Variants in POLR1H observed in about 807,000 individuals in gnomAD.
POLR1H encodes the protein RNA polymerase I subunit H, also known as DNA-directed RNA polymerase I subunit RPA12.
POLR1H carries 5 observed loss-of-function variants against 15.8 expected under a neutral mutation model. The ratio of observed to expected loss-of-function variants is 0.32; its 90% confidence interval spans 0.17 to 0.67. The LOEUF is 0.67. Ranked by LOEUF, POLR1H falls within the 30% of genes least tolerant of loss-of-function variation. POLR1H has a pLI of 0.74. For synonymous variants in POLR1H, 43 were observed against 58.3 expected, an observed-to-expected ratio of 0.74 and a Z score of 1.20; for missense variants, 100 against 163.4, an observed-to-expected ratio of 0.61 and a Z score of 2.11.
upstream of POLR1H, chr6:30,061,251 C>T (rs893092142): frequency 2.6e-6 from 1 of 386,242 alleles, no homozygotes; most frequent in Non-Finnish European, 4.6e-6. The surrounding 1 kb of genome is among the most constrained non-coding windows in gnomAD (Gnocchi z 5.0). Flanking sequence ...ATCTCGCTGC[C>T]CCGCCGCGGG....
chr6:30,061,820 T>C lies in POLR1H; in HGVS notation c.146-97T>C. On this transcript the variant is annotated intron_variant, in intron 1 of 3. Transcript: ENST00000332435. This position sits in a 1 kb window ranked among gnomAD's most constrained non-coding sequence, Gnocchi z 5.0. Reference sequence around the variant, plus strand: ...GCGATGAAAACTGAGGGAAAGGATGTAGGGCCTCCTGGCCTAACCAGCCAG... The same window carrying C: ...GCGATGAAAACTGAGGGAAAGGATGCAGGGCCTCCTGGCCTAACCAGCCAG... 6.5e-7 allele frequency: 1 copy of C among 1,544,214 alleles called. No homozygotes were observed. Among genetic ancestry groups the C allele is most frequent in the Non-Finnish European group, 8.9e-7 (1 of 1,126,362 alleles).
chr6:30,061,784 C>T lies in POLR1H; in HGVS notation c.145+115C>T, dbSNP rs1765096446. 1 of 1,561,886 alleles carries T rather than the reference C, an allele frequency of 6.4e-7. No individual in the cohort carries two copies. Among genetic ancestry groups the T allele is most frequent in the African/African-American group, 1.4e-5 (1 of 73,672 alleles). On this transcript the variant is annotated intron_variant, in intron 1 of 3. Transcript: ENST00000332435. This position sits in a 1 kb window ranked among gnomAD's most constrained non-coding sequence, Gnocchi z 5.0. ...TAGAGCAGGACATCAGGCGGTTGTA[C>T]ATTTGGTCTAGCGATGAAAACTGAG... is the stretch of plus-strand genomic sequence containing the variant.
rs142850716 is a variant in POLR1H at position 30,064,213 on chromosome 6, T to A, written c.357-460T>A. 6.6e-5 allele frequency among the ~76,000 whole-genome samples: 10 copies of A among 152,166 alleles called. No homozygotes were observed. The East Asian group carries it at 1.9e-3, about 29-fold the overall frequency. ...AGATTGCCTTTACTTTCTTGCCATC[T>A]CATCAAAGGATTAAAAATATTCATA... On this transcript the variant is annotated intron_variant, in intron 3 of 3. Transcript: ENST00000332435.
In POLR1H at chr6:30,061,418, G is replaced by C; in HGVS notation, c.-107G>C. 3 of 1,325,084 alleles carry C rather than the reference G, an allele frequency of 2.3e-6. No individual in the cohort carries two copies. In the South Asian group the frequency reaches 4.2e-5, roughly 19 times the overall value. The allele number at this position is 1,325,084 out of a possible 1,614,324, so 82.1% of individuals were successfully genotyped here. A position where few individuals can be genotyped will look rare whatever the true frequency, so the allele number is the denominator to read the frequency against. On this transcript the variant is annotated 5_prime_UTR_variant, in exon 1 of 4. Coordinates refer to ENST00000332435, the MANE Select transcript of POLR1H (RefSeq NM_170783.4). The surrounding 1 kb of genome is among the most constrained non-coding windows in gnomAD (Gnocchi z 5.0). The stretch of plus-strand genomic sequence containing the variant: ...GGAGGCGTGCGTGGCAGGAGGGTTC[G>C]GGTTATATACTCCTAGGTCCTGGGA...
upstream of POLR1H, chr6:30,060,184 A>C (rs1192256411): frequency 6.6e-6 from 1 of 152,264 alleles, no homozygotes; most frequent in Admixed American, 6.5e-5. Context: ...AGCCTCTCCC[A>C]GCGAAAAGAC....
rs1267103968 is a variant in POLR1H at position 30,061,491 on chromosome 6, A to T, written c.-34A>T. The T allele has an allele frequency of 6.2e-7, 1 of 1,609,600 alleles. No individual in the cohort carries two copies. The highest frequency in any genetic ancestry group is 8.5e-7 in the Non-Finnish European group (1 of 1,177,580). On this transcript the variant is annotated 5_prime_UTR_variant, in exon 1 of 4. Transcript: ENST00000332435. This position sits in a 1 kb window ranked among gnomAD's most constrained non-coding sequence, Gnocchi z 5.0. ...ACAGGAACTCTTCTCTCTTTTGTTA[A>T]TAAACTTCCAACTCCCTCCTCAGAC...
At position 30,061,822 on chromosome 6, in the gene POLR1H, G is replaced by A. The variant is rs778739959; in HGVS notation, c.146-95G>A. The A allele has an allele frequency of 2.7e-4, 420 of 1,546,072 alleles. 1 individual carries two copies. Among genetic ancestry groups the A allele is most frequent in the Non-Finnish European group, 3.4e-4 (381 of 1,127,936 alleles). On this transcript the variant is annotated intron_variant, in intron 1 of 3. Coordinates refer to ENST00000332435, the MANE Select transcript of POLR1H (RefSeq NM_170783.4). The surrounding 1 kb of genome is among the most constrained non-coding windows in gnomAD (Gnocchi z 5.0). ...GATGAAAACTGAGGGAAAGGATGTA[G>A]GGCCTCCTGGCCTAACCAGCCAGGG...
rs1034840949 is a variant in POLR1H, at chr6:30,063,797, A to G, written c.357-876A>G. Among the ~76,000 whole-genome samples, 2 of 152,170 alleles carry G rather than the reference A, an allele frequency of 1.3e-5. No homozygotes were observed. Among genetic ancestry groups the G allele is most frequent in the African/African-American group, 2.4e-5 (1 of 41,430 alleles). ...GCACTATCAAGCTGGAATTACTTTAAATAAATTCTTGGCTTCATGTTTTTT... is the reference window on the plus strand; with the variant it reads ...GCACTATCAAGCTGGAATTACTTTAGATAAATTCTTGGCTTCATGTTTTTT... On this transcript the variant is annotated intron_variant, in intron 3 of 3. Transcript: ENST00000332435. The surrounding 1 kb of genome is among the most constrained non-coding windows in gnomAD (Gnocchi z 4.1).
Position 30,061,790 on chromosome 6 carries a change from G to A in POLR1H, c.145+121G>A. The A allele has an allele frequency of 6.4e-7, 1 of 1,559,596 alleles. No individual in the cohort carries two copies. Among genetic ancestry groups the A allele is most frequent in the Non-Finnish European group, 8.8e-7 (1 of 1,142,800 alleles). On this transcript the variant is annotated intron_variant, in intron 1 of 3. Transcript: ENST00000332435. The surrounding 1 kb of genome is among the most constrained non-coding windows in gnomAD (Gnocchi z 5.0). ...AGGACATCAGGCGGTTGTACATTTG[G>A]TCTAGCGATGAAAACTGAGGGAAAG...
Sources: allele counts gnomAD v4.1 joint callset (sites outside exome capture counted in the v4.1 genomes callset), GRCh38; gene constraint gnomAD v4.1.1; non-coding constraint Gnocchi (gnomAD v3.1); transcripts MANE v1.5; gene names NCBI Gene and HGNC (gene_info 2026-07-23, HGNC 2026-07-21).